Variants in STAC3 observed in about 807,000 individuals in gnomAD.
STAC3 encodes SH3 and cysteine rich domain 3.
Under a neutral mutation model 48.5 loss-of-function variants are expected in STAC3, and 30 were observed. The ratio of observed to expected loss-of-function variants is 0.62; its 90% confidence interval spans 0.46 to 0.84. STAC3 has a LOEUF of 0.84. Ranked by LOEUF, STAC3 falls within the 40% of genes least tolerant of loss-of-function variation. STAC3 has a pLI of 0.00. For synonymous variants in STAC3, 144 were observed against 158.6 expected, an observed-to-expected ratio of 0.91 and a Z score of 0.69; for missense variants, 419 against 462.6, an observed-to-expected ratio of 0.91 and a Z score of 0.86.
Position 57,249,090 on chromosome 12 carries a change from G to T in STAC3, c.285C>A (p.His95Gln). 4 of 1,611,414 alleles carry T rather than the reference G, an allele frequency of 2.5e-6. No individual in the cohort carries two copies. Among genetic ancestry groups the T allele is most frequent in the Non-Finnish European group, 3.4e-6 (4 of 1,178,552 alleles). ...VNDKPHKFKD[H>Q]FFKKPKFCDV... ...CACAGAACTTTGGCTTCTTGAAGAA[G>T]TGATCTTTGAATTTGTGGGGCTTAT... The change falls in exon 3 of 12, where the codon CAC becomes CAA. Residue 95 changes from histidine (H) to glutamine (Q), a missense_variant. Coordinates refer to ENST00000332782, the MANE Select transcript of STAC3 (RefSeq NM_145064.3).
At chr12:57,250,639 CCT>C (rs1298876472) in intron 1 of STAC3, among the ~76,000 whole-genome samples, 2 of 152,126 alleles carry the variant, frequency 1.3e-5, no homozygotes, top group Non-Finnish European at 2.9e-5. Flanking sequence ...TAATGTGTGT[CCT>C]CGTGTGCACA....
intron 5 of STAC3, among the ~76,000 whole-genome samples, chr12:57,247,403 AATTATTATTATTATT>A (rs747575932): frequency 9.7e-5 from 10 of 102,690 alleles, no homozygotes; most frequent in East Asian, 5.2e-4. Flanking sequence ...AGGGTTGCCA[AATTATTATTATTATT>A]ATTATTATTA....
rs2136835190 is a variant in STAC3 at position 57,249,027 on chromosome 12, C to T, written c.334+14G>A. ...TTCAATATCATACTCTCTTCACTTC[C>T]CTTCATGACTCACGAACAATCATCC... On this transcript the variant is annotated intron_variant, in intron 3 of 11. Transcript: ENST00000332782. 5 of 1,576,868 alleles carry T rather than the reference C, an allele frequency of 3.2e-6. No individual in the cohort carries two copies. Among genetic ancestry groups the T allele is most frequent in the South Asian group, 1.2e-5 (1 of 83,730 alleles).
At chr12:57,245,001 T>G in intron 7 of STAC3, 36 bp from the exon 8 acceptor site, 1 of 1,613,146 alleles carries the variant, frequency 6.2e-7, no homozygotes, top group Non-Finnish European at 8.5e-7. Context: ...GTCTGTCTCC[T>G]GGAGGGCAAT....
rs760315875 is a variant in STAC3 at position 57,243,741 on chromosome 12, C to T, written c.*71G>A. The T allele has an allele frequency of 1.4e-5, 20 of 1,440,632 alleles. No individual in the cohort carries two copies. In the African/African-American group the frequency reaches 1.8e-4, roughly 13 times the overall value. The allele number at this position is 1,440,632 out of a possible 1,614,324, so 89.2% of individuals were successfully genotyped here. A position where few individuals can be genotyped will look rare whatever the true frequency, so the allele number is the denominator to read the frequency against. On this transcript the variant is annotated 3_prime_UTR_variant, in exon 12 of 12. Coordinates refer to ENST00000332782, the MANE Select transcript of STAC3 (RefSeq NM_145064.3). ...CCCAGCAGTCCCGTTGCTTTCGCCC[C>T]CCTCCCCAAACTCCACTGGGCCCGC...
At chr12:57,245,238 A>T (rs2037708618) in intron 6 of STAC3, 27 bp from the exon 7 acceptor site, 1 of 1,610,820 alleles carries the variant, frequency 6.2e-7, no homozygotes, top group Non-Finnish European at 8.5e-7. Context: ...AGTTAGGGAG[A>T]CGCTGTCTTG....
intron 6 of STAC3, among the ~76,000 whole-genome samples, chr12:57,245,872 G>A (rs934136349): frequency 6.6e-6 from 1 of 152,056 alleles, no homozygotes; most frequent in Non-Finnish European, 1.5e-5. Context: ...CACTTTGGGA[G>A]GCCGAGGTGG....
chr12:57,249,541 C>CA (rs386376647), intron 2 of STAC3, 30 bp downstream of exon 2: 9 of 1,612,592 alleles, frequency 5.6e-6, no homozygotes, highest in Admixed American at 5.0e-5. Flanking sequence ...CCCAGCCCCC[C>CA]ACACCCAGTG....
chr12:57,244,308 C>A lies in STAC3; in HGVS notation c.858+7G>T, dbSNP rs1565779947. ...CACTCCACCCTAGCCCTAGCCATTTCTCTCACCCGCCACCATTCTTCATTG... is the reference window on the plus strand; with the variant it reads ...CACTCCACCCTAGCCCTAGCCATTTATCTCACCCGCCACCATTCTTCATTG... On this transcript the variant is annotated splice_region_variant and intron_variant, in intron 10 of 11. Coordinates refer to ENST00000332782, the MANE Select transcript of STAC3 (RefSeq NM_145064.3). 2 of 1,613,978 alleles carry A rather than the reference C, an allele frequency of 1.2e-6. No individual in the cohort carries two copies. The highest frequency in any genetic ancestry group is 1.7e-6 in the Non-Finnish European group (2 of 1,179,928).
intron 11 of STAC3, 43 bp downstream of exon 11, chr12:57,244,045 A>G: frequency 6.2e-7 from 1 of 1,613,554 alleles, no homozygotes. Flanking sequence ...GTGGTGGGCT[A>G]GGGAGCATTC....
intron 5 of STAC3, among the ~76,000 whole-genome samples, chr12:57,247,403 AATTATTATTATT>A (rs747575932): frequency 0.096 from 9,785 of 102,264 alleles, 575 homozygotes; most frequent in Admixed American, 0.19. Context: ...AGGGTTGCCA[AATTATTATTATT>A]ATTATTATTA....
Position 57,248,204 on chromosome 12 carries a change from G to A in STAC3, c.433-6C>T. On this transcript the variant is annotated splice_region_variant and splice_polypyrimidine_tract_variant and intron_variant, in intron 4 of 11. Transcript: ENST00000332782. ...GCCCGATGGAAACCAGGTGGCTGTA[G>A]GATGGGATGAGAGGAAGCATTAGAG... 1 of 1,612,668 alleles carries A rather than the reference G, an allele frequency of 6.2e-7. No individual in the cohort carries two copies. The highest frequency in any genetic ancestry group is 1.7e-4 in the Middle Eastern group (1 of 6,056).
Position 57,243,884 on chromosome 12 carries a change from C to G in STAC3, c.1023G>C (p.Ala341=), listed in dbSNP as rs61747067. ...CGGTGTAGACCTTGACGTAGCCGCC[C>G]GCTTCGTCTCCTTTCTGCACCACGA... ...DQIVVQKGDE[A]GGYVKVYTGR... is the part of the protein sequence containing the mutation. Residue 341 remains alanine, a synonymous_variant, in exon 12 of 12, where the codon GCG becomes GCC. Transcript: ENST00000332782. The G allele has an allele frequency of 3.9e-3, 6,310 of 1,613,814 alleles. 33 individuals carry two copies. The highest frequency in any genetic ancestry group is 3.6e-3 in the Non-Finnish European group (4,254 of 1,179,950).
chr12:57,245,294 A>T, intron 6 of STAC3, 83 bp from the exon 7 acceptor site: 1 of 1,233,500 alleles, frequency 8.1e-7, no homozygotes, highest in Admixed American at 2.0e-5. Context: ...AGAACTATAG[A>T]ATAATGGGAT....
At chr12:57,250,389 CAAAAAAAAA>C (rs58777318) in intron 1 of STAC3, among the ~76,000 whole-genome samples, 1 of 42,390 alleles carries the variant, frequency 2.4e-5, no homozygotes, top group African/African-American at 9.3e-5. Context: ...GACTTCGTCT[CAAAAAAAAA>C]AAAAAAAAAA....
intron 9 of STAC3, 64 bp downstream of exon 9, chr12:57,244,473 T>A: frequency 6.2e-7 from 1 of 1,612,352 alleles, no homozygotes; most frequent in Middle Eastern, 1.7e-4. Flanking sequence ...TCCTTTCCCT[T>A]GGGGGAACCC....
chr12:57,248,214 A>G lies in STAC3; in HGVS notation c.433-16T>C, dbSNP rs747849469. On this transcript the variant is annotated splice_polypyrimidine_tract_variant and intron_variant, in intron 4 of 11. Coordinates refer to ENST00000332782, the MANE Select transcript of STAC3 (RefSeq NM_145064.3). ...AACCAGGTGGCTGTAGGATGGGATGAGAGGAAGCATTAGAGGTAGCAAAGT... is the reference window on the plus strand; with the variant it reads ...AACCAGGTGGCTGTAGGATGGGATGGGAGGAAGCATTAGAGGTAGCAAAGT... The G allele has an allele frequency of 1.2e-6, 2 of 1,606,148 alleles. No homozygotes were observed. Among genetic ancestry groups the G allele is most frequent in the Non-Finnish European group, 8.5e-7 (1 of 1,172,734 alleles).
chr12:57,245,323 G>A lies in STAC3; in HGVS notation c.604-112C>T, dbSNP rs370535867. 3.8e-4 allele frequency: 376 copies of A among 981,042 alleles called. 4 individuals carry two copies. In the South Asian group the frequency reaches 4.3e-3, roughly 11 times the overall value. The allele number at this position is 981,042 out of a possible 1,614,324, so 60.8% of individuals were successfully genotyped here. On this transcript the variant is annotated intron_variant, in intron 6 of 11. Transcript: ENST00000332782. Reference sequence around the variant, plus strand: ...ATGGGATCTCAGAGATCTCAGAGTTGGAAGAGGCCTTGGAGGAAATATCTA... The same window carrying A: ...ATGGGATCTCAGAGATCTCAGAGTTAGAAGAGGCCTTGGAGGAAATATCTA...
chr12:57,250,526 G>A (rs1454734518), intron 1 of STAC3, among the ~76,000 whole-genome samples: 2 of 151,908 alleles, frequency 1.3e-5, no homozygotes, highest in Non-Finnish European at 2.9e-5. Context: ...TCAAAGCTGC[G>A]TGGTTTACGT....
Sources: allele counts gnomAD v4.1 joint callset (sites outside exome capture counted in the v4.1 genomes callset), GRCh38; gene constraint gnomAD v4.1.1; transcripts MANE v1.5; gene names NCBI Gene and HGNC (gene_info 2026-07-23, HGNC 2026-07-21).